The following SLCO1C1 variants were observed in gnomAD, a reference collection of about 807,000 sequenced individuals.
SLCO1C1 encodes solute carrier organic anion transporter family member 1C1, also known as OAT-RP-5.
SLCO1C1 carries 70 observed loss-of-function variants against 76.4 expected under a neutral mutation model. The observed-to-expected ratio is 0.92, with a 90% CI of 0.76 to 1.12. The LOEUF is 1.12. Ranked by LOEUF, SLCO1C1 falls within the 50% of genes most tolerant of loss-of-function variation. SLCO1C1 has a pLI of 0.00. For missense variants in SLCO1C1, 912 were observed against 823.8 expected, an observed-to-expected ratio of 1.11 and a Z score of -1.31; for synonymous variants, 306 against 286.1, an observed-to-expected ratio of 1.07 and a Z score of -0.70.
chr12:20,715,319 G>A lies in SLCO1C1; in HGVS notation c.676+34G>A, dbSNP rs541687870. Reference sequence around the variant, plus strand: ...GGCATATTGCTTCACTTATCTTCTTGGGAAGCAGGGTGTCTAGTTTTCTGA... The same window carrying A: ...GGCATATTGCTTCACTTATCTTCTTAGGAAGCAGGGTGTCTAGTTTTCTGA... On this transcript the variant is annotated intron_variant, in intron 6 of 14. Transcript: ENST00000266509. The A allele has an allele frequency of 5.0e-6, 8 of 1,607,194 alleles. No homozygotes were observed. In the South Asian group the frequency reaches 8.9e-5, roughly 18 times the overall value.
chr12:20,716,915 C>T (rs1360283326), intron 6 of SLCO1C1, among the ~76,000 whole-genome samples: 3 of 152,086 alleles, frequency 2.0e-5, no homozygotes, highest in Non-Finnish European at 4.4e-5. Context: ...CTTACTAAGA[C>T]ATATTTAATG....
At chr12:20,735,629 C>A (rs570483007) in intron 10 of SLCO1C1, among the ~76,000 whole-genome samples, 2 of 152,092 alleles carry the variant, frequency 1.3e-5, no homozygotes, top group South Asian at 4.1e-4. Flanking sequence ...AGTTCAGTAC[C>A]CTTTCACACT....
At chr12:20,739,973 A>T (rs1800594125) in intron 11 of SLCO1C1, among the ~76,000 whole-genome samples, 1 of 152,164 alleles carries the variant, frequency 6.6e-6, no homozygotes, top group Admixed American at 6.5e-5. Flanking sequence ...CAGGATTAGT[A>T]GTTTGTAGAT....
In SLCO1C1 at chr12:20,715,195, C is replaced by T; in HGVS notation, c.586C>T (p.Leu196Phe). The T allele has an allele frequency of 1.2e-6, 2 of 1,614,086 alleles. No homozygotes were observed. Reference protein sequence around the residue: ...MWIYVFLGNLLRGIGETPIQP... With the variant: ...MWIYVFLGNLFRGIGETPIQP... The stretch of plus-strand genomic sequence containing the variant: ...GATTTATGTTTTCCTGGGCAATCTT[C>T]TTCGTGGAATAGGAGAAACTCCCAT... The change falls in exon 6 of 15, where the codon CTT becomes TTT. Residue 196 changes from leucine to phenylalanine, a missense_variant. Leu to Phe is a conservative substitution (Grantham distance 22). Coordinates refer to ENST00000266509, the MANE Select transcript of SLCO1C1 (RefSeq NM_017435.5).
intron 3 of SLCO1C1, among the ~76,000 whole-genome samples, chr12:20,703,810 G>A (rs1947623661): frequency 6.6e-6 from 1 of 151,528 alleles, no homozygotes; most frequent in Admixed American, 6.6e-5. Context: ...ATTTGTTTAG[G>A]ATTTTTACAT....
At chr12:20,743,270 T>C in intron 12 of SLCO1C1, 35 bp from the exon 13 acceptor site, 17 of 1,590,796 alleles carry the variant, frequency 1.1e-5, no homozygotes, top group Non-Finnish European at 1.5e-5. Flanking sequence ...TAATGGATTA[T>C]ATATTTCTTG....
rs771888928 is a variant in SLCO1C1 at position 20,711,509 on chromosome 12, C to A, written c.528C>A (p.Asn176Lys). 1 of 1,612,474 alleles carries A rather than the reference C, an allele frequency of 6.2e-7. No individual in the cohort carries two copies. The highest frequency in any genetic ancestry group is 1.7e-4 in the Middle Eastern group (1 of 6,058). The change falls in exon 5 of 15, where the codon AAC becomes AAA. Residue 176 changes from asparagine to lysine, a missense_variant and splice_region_variant. Physicochemically the swap from Asn to Lys is moderately conservative, Grantham distance 94 (BLOSUM62 0). Coordinates refer to ENST00000266509, the MANE Select transcript of SLCO1C1 (RefSeq NM_017435.5). ...VMEKSKSKIS[N>K]ECEVDTSSSM... is the part of the protein sequence containing the mutation. Reference sequence around the variant, plus strand: ...AAAAATCAAAATCCAAAATAAGTAACGGTAAGATCATTTTTTTGACTTGAC... The same window carrying A: ...AAAAATCAAAATCCAAAATAAGTAAAGGTAAGATCATTTTTTTGACTTGAC...
At chr12:20,707,533 A>G (rs766438693) in intron 4 of SLCO1C1, among the ~76,000 whole-genome samples, 4 of 152,108 alleles carry the variant, frequency 2.6e-5, no homozygotes, top group Admixed American at 6.6e-5. Flanking sequence ...ACACTACTTA[A>G]TTTTTCTAGG....
chr12:20,741,635 A>ATTTCTC (rs1948820029), intron 12 of SLCO1C1, among the ~76,000 whole-genome samples: 1 of 152,134 alleles, frequency 6.6e-6, no homozygotes, highest in East Asian at 1.9e-4. Flanking sequence ...CTATTAAAAC[A>ATTTCTC]CAATTTGTGC....
At chr12:20,713,273 G>T (rs1032877327) in intron 5 of SLCO1C1, among the ~76,000 whole-genome samples, 2 of 151,862 alleles carry the variant, frequency 1.3e-5, no homozygotes, top group Non-Finnish European at 2.9e-5. Context: ...TAGAGACGGG[G>T]TTTCACCTTG....
chr12:20,734,915 A>C (rs533851696), intron 10 of SLCO1C1, among the ~76,000 whole-genome samples: 1 of 152,294 alleles, frequency 6.6e-6, no homozygotes, highest in South Asian at 2.1e-4. Flanking sequence ...ACAAGGGCAA[A>C]GATTTAACCT....
intron 9 of SLCO1C1, among the ~76,000 whole-genome samples, chr12:20,724,121 G>A (rs1159829495): frequency 3.3e-5 from 5 of 151,712 alleles, no homozygotes; most frequent in African/African-American, 7.3e-5. Context: ...TTAAGGTTAC[G>A]TTACTGAACA....
At chr12:20,716,769 C>T (rs1342553708) in intron 6 of SLCO1C1, among the ~76,000 whole-genome samples, 2 of 152,172 alleles carry the variant, frequency 1.3e-5, no homozygotes, top group Non-Finnish European at 2.9e-5. Flanking sequence ...TTATGCTTAA[C>T]TGAACGTAAA....
At chr12:20,726,308 A>G (rs1363078296) in intron 9 of SLCO1C1, among the ~76,000 whole-genome samples, 1 of 151,068 alleles carries the variant, frequency 6.6e-6, no homozygotes, top group Non-Finnish European at 1.5e-5. Context: ...AAAATATGAG[A>G]TAGATACAAA....
At chr12:20,708,088 C>A (rs1946873077) in intron 4 of SLCO1C1, among the ~76,000 whole-genome samples, 1 of 152,152 alleles carries the variant, frequency 6.6e-6, no homozygotes, top group Non-Finnish European at 1.5e-5. Context: ...TAGTTTCTTT[C>A]CACCTTTACA....
At chr12:20,701,495 C>T in intron 3 of SLCO1C1, 36 bp downstream of exon 3, 1 of 1,419,802 alleles carries the variant, frequency 7.0e-7, no homozygotes, top group Non-Finnish European at 9.4e-7. Context: ...AATTTTAAGC[C>T]CAAGATCTTC....
intron 3 of SLCO1C1, among the ~76,000 whole-genome samples, chr12:20,702,640 G>A (rs1347584021): frequency 3.3e-5 from 5 of 151,766 alleles, no homozygotes; most frequent in African/African-American, 1.2e-4. Context: ...TGCTTAGATT[G>A]GCCCGGATGG....
chr12:20,737,099 C>A lies in SLCO1C1; in HGVS notation c.1383-8C>A, dbSNP rs1948581889. 6.7e-7 allele frequency: 1 copy of A among 1,498,050 alleles called. No homozygotes were observed. The highest frequency in any genetic ancestry group is 2.7e-5 in the Admixed American group (1 of 36,784). The allele number at this position is 1,498,050 out of a possible 1,614,324, so 92.8% of individuals were successfully genotyped here. On this transcript the variant is annotated splice_polypyrimidine_tract_variant and splice_region_variant and intron_variant, in intron 10 of 14. Transcript: ENST00000266509. ...GGTAATATTTTATATTGTTATATTT[C>A]TTTTCAGAACCAAACCTGTCTCTTA...
intron 7 of SLCO1C1, among the ~76,000 whole-genome samples, chr12:20,720,725 C>T (rs1162014111): frequency 6.6e-6 from 1 of 152,070 alleles, no homozygotes; most frequent in African/African-American, 2.4e-5. Flanking sequence ...AGGCTGGGCG[C>T]GGTGGCTCAT....
Sources: allele counts gnomAD v4.1 joint callset (sites outside exome capture counted in the v4.1 genomes callset), GRCh38; gene constraint gnomAD v4.1.1; transcripts MANE v1.5; gene names NCBI Gene and HGNC (gene_info 2026-07-23, HGNC 2026-07-21).